THSD7B: variants seen among roughly 807,000 people sequenced by gnomAD.
THSD7B encodes the protein thrombospondin type 1 domain containing 7B.
A neutral mutation model predicts 213.6 loss-of-function variants in THSD7B; 138 were observed. That is an observed-to-expected ratio of 0.65 (90% CI 0.56 to 0.74). The LOEUF is 0.74. Among genes scored for constraint, THSD7B ranks in the 30% least tolerant of loss-of-function variants. The pLI, the probability that THSD7B is intolerant of heterozygous loss-of-function variation, is 0.00. For synonymous variants in THSD7B, 742 were observed against 687.0 expected, an observed-to-expected ratio of 1.08 and a Z score of -1.25; for missense variants, 1,931 against 1,991.5, an observed-to-expected ratio of 0.97 and a Z score of 0.58.
At chr2:137,441,773 C>T (rs1053398733) in intron 14 of THSD7B, among the ~76,000 whole-genome samples, 6 of 152,122 alleles carry the variant, frequency 3.9e-5, no homozygotes, top group Admixed American at 3.3e-4. Context: ...CAATGTTATC[C>T]TAGTCTTTAA....
At position 137,563,241 on chromosome 2, in the gene THSD7B, T is replaced by C; in HGVS notation, c.3159T>C (p.Cys1053=). Residue 1053 remains cysteine, a synonymous_variant, in exon 16 of 28, where the codon TGT becomes TGC. Transcript: ENST00000409968. ...GACAGGTACATGAGGCAGTCCCATG[T>C]TACAGTGAGTGCAATCAGTATTCCT... ...LKNQVHEAVP[C]YSECNQYSWV... 6.2e-7 allele frequency: 1 copy of C among 1,613,416 alleles called. No individual in the cohort carries two copies. The highest frequency in any genetic ancestry group is 8.5e-7 in the Non-Finnish European group (1 of 1,179,534).
intron 5 of THSD7B, among the ~76,000 whole-genome samples, chr2:137,147,729 C>T (rs955534122): frequency 2.6e-5 from 4 of 152,056 alleles, no homozygotes; most frequent in Admixed American, 6.6e-5. Flanking sequence ...TGATTCACCC[C>T]GTGGGCTAAA....
At position 137,057,190 on chromosome 2, in the gene THSD7B, G is replaced by A; in HGVS notation, c.910G>A (p.Val304Ile). The A allele has an allele frequency of 1.2e-6, 2 of 1,613,780 alleles. No individual in the cohort carries two copies. Among genetic ancestry groups the A allele is most frequent in the Non-Finnish European group, 1.7e-6 (2 of 1,179,792 alleles). The change falls in exon 3 of 28, where the codon GTT (valine) becomes ATT (isoleucine). Residue 304 changes from valine (V) to isoleucine (I), a missense_variant. Coordinates refer to ENST00000409968, the MANE Select transcript of THSD7B (RefSeq NM_001316349.2). ...AIEIGYQTRQVSCTRSDGQNA... is the reference protein window; with the variant it reads ...AIEIGYQTRQISCTRSDGQNA... ...AGAGATAGGTTATCAAACCCGGCAGGTTTCGTGTACAAGAAGTGATGGACA... is the reference window on the plus strand; with the variant it reads ...AGAGATAGGTTATCAAACCCGGCAGATTTCGTGTACAAGAAGTGATGGACA...
At chr2:137,197,134 G>T (rs1036716348) in intron 7 of THSD7B, among the ~76,000 whole-genome samples, 1 of 152,194 alleles carries the variant, frequency 6.6e-6, no homozygotes, top group Non-Finnish European at 1.5e-5. Flanking sequence ...CAGAGTGACT[G>T]TGGGACTTTT....
chr2:137,417,497 T>A (rs1686824752), intron 14 of THSD7B, among the ~76,000 whole-genome samples: 1 of 152,230 alleles, frequency 6.6e-6, no homozygotes, highest in African/African-American at 2.4e-5. Flanking sequence ...TAGATTACAG[T>A]AGCATGATTA....
chr2:137,170,627 G>A (rs1041733383), intron 6 of THSD7B, 114 bp from the exon 7 acceptor site: 50 of 916,394 alleles, frequency 5.5e-5, no homozygotes, highest in African/African-American at 1.0e-4. Flanking sequence ...AAGATAATAC[G>A]TGCTTAGAGC....
intron 5 of THSD7B, among the ~76,000 whole-genome samples, chr2:137,141,880 C>T (rs1222340961): frequency 6.6e-6 from 1 of 152,048 alleles, no homozygotes; most frequent in Non-Finnish European, 1.5e-5. Context: ...TGCTATCACC[C>T]TTGTCTCCTA....
chr2:137,480,407 T>C (rs930833707), intron 15 of THSD7B, among the ~76,000 whole-genome samples: 1 of 152,236 alleles, frequency 6.6e-6, no homozygotes, highest in Admixed American at 6.5e-5. Flanking sequence ...TTATAAAGTT[T>C]TGAAAAACTC....
chr2:137,201,294 C>A (rs10153866), intron 7 of THSD7B, among the ~76,000 whole-genome samples: 1 of 151,936 alleles, frequency 6.6e-6, no homozygotes, highest in African/African-American at 2.4e-5. Flanking sequence ...TGTGTGCACA[C>A]GCACCACATT....
intron 5 of THSD7B, among the ~76,000 whole-genome samples, chr2:137,123,623 G>A (rs1372240734): frequency 1.3e-5 from 2 of 152,108 alleles, no homozygotes; most frequent in South Asian, 2.1e-4. Context: ...GAATTTCAGC[G>A]ATAACGTTCA....
intron 1 of THSD7B, among the ~76,000 whole-genome samples, chr2:136,834,373 G>T (rs963176268): frequency 6.6e-6 from 1 of 152,182 alleles, no homozygotes; most frequent in Non-Finnish European, 1.5e-5. Context: ...GACAGACGTT[G>T]CTGTAATAGA....
chr2:137,297,440 T>A (rs1461732966), intron 12 of THSD7B, among the ~76,000 whole-genome samples: 1 of 151,930 alleles, frequency 6.6e-6, no homozygotes. Context: ...TTTTTCTTTC[T>A]TTTTTTAAGC....
At chr2:137,193,738 G>A (rs987047513) in intron 7 of THSD7B, among the ~76,000 whole-genome samples, 2 of 151,870 alleles carry the variant, frequency 1.3e-5, no homozygotes, top group African/African-American at 4.8e-5. Context: ...TTCAAGGACT[G>A]TTATAAACTG....
intron 2 of THSD7B, among the ~76,000 whole-genome samples, chr2:137,021,917 G>A (rs1302715426): frequency 1.3e-5 from 2 of 152,160 alleles, no homozygotes; most frequent in Non-Finnish European, 2.9e-5. Context: ...TTATCACAGA[G>A]ATCAGCAGGG....
chr2:137,066,859 A>G (rs542394610), intron 3 of THSD7B, among the ~76,000 whole-genome samples: 1 of 152,020 alleles, frequency 6.6e-6, no homozygotes, highest in African/African-American at 2.4e-5. Flanking sequence ...TTCTACCCAT[A>G]GTTCTTGGAT....
intron 12 of THSD7B, among the ~76,000 whole-genome samples, chr2:137,357,391 A>G (rs1685157155): frequency 6.6e-6 from 1 of 152,044 alleles, no homozygotes; most frequent in Admixed American, 6.5e-5. Context: ...GAAAAATAAT[A>G]TGTTTTTCTG....
At chr2:137,616,072 A>G in intron 17 of THSD7B, 103 bp from the exon 18 acceptor site, 5 of 1,153,722 alleles carry the variant, frequency 4.3e-6, no homozygotes, top group Non-Finnish European at 4.8e-6. Flanking sequence ...TAGATAATCT[A>G]TTCCCTATAT....
intron 22 of THSD7B, 69 bp downstream of exon 22, chr2:137,655,729 T>C: frequency 6.7e-7 from 1 of 1,498,222 alleles, no homozygotes; most frequent in Non-Finnish European, 9.0e-7. Flanking sequence ...ACTGTTTTCC[T>C]AGAGATGCTC....
chr2:137,484,137 A>C (rs1218348120), intron 15 of THSD7B, among the ~76,000 whole-genome samples: 2 of 150,744 alleles, frequency 1.3e-5, no homozygotes, highest in Non-Finnish European at 3.0e-5. Context: ...GTCATTTAGC[A>C]TTAGGTATAT....
Sources: allele counts gnomAD v4.1 joint callset (sites outside exome capture counted in the v4.1 genomes callset), GRCh38; gene constraint gnomAD v4.1.1; transcripts MANE v1.5; gene names NCBI Gene and HGNC (gene_info 2026-07-23, HGNC 2026-07-21).